The following PCCA variants were observed in gnomAD, a reference collection of about 807,000 sequenced individuals.
The protein encoded by PCCA is propionyl-CoA carboxylase subunit alpha.
In PCCA, 74 loss-of-function variants were observed where a neutral mutation model predicts 101.3. The observed-to-expected ratio is 0.73, with a 90% confidence interval of 0.61 to 0.89. The LOEUF (loss-of-function observed/expected upper bound fraction) is 0.89, where lower values mean the gene tolerates loss of function less well. Ranked by LOEUF, PCCA falls within the 40% of genes least tolerant of loss-of-function variation. The pLI is 0.00. For missense variants in PCCA, 891 were observed against 907.0 expected (o/e 0.98, Z 0.23); for synonymous variants, 294 against 313.6 (o/e 0.94, Z 0.66).
intron 4 of PCCA, among the ~76,000 whole-genome samples, chr13:100,129,746 G>C (rs2050310069): frequency 6.6e-6 from 1 of 152,174 alleles, no homozygotes; most frequent in African/African-American, 2.4e-5. Flanking sequence ...GACAATACTT[G>C]GTGGCCTCCT....
intron 18 of PCCA, among the ~76,000 whole-genome samples, chr13:100,360,944 C>A (rs141835528): frequency 7.2e-5 from 11 of 152,040 alleles, no homozygotes; most frequent in African/African-American, 2.7e-4. Flanking sequence ...TATGTCCGTA[C>A]AATGGAATAT....
intron 19 of PCCA, among the ~76,000 whole-genome samples, chr13:100,406,946 G>A (rs1452935709): frequency 6.6e-6 from 1 of 152,118 alleles, no homozygotes; most frequent in African/African-American, 2.4e-5. Flanking sequence ...CTGTATTTGA[G>A]AGGACCTGTT....
At chr13:100,230,965 G>A (rs2060434522) in intron 7 of PCCA, among the ~76,000 whole-genome samples, 1 of 152,082 alleles carries the variant, frequency 6.6e-6, no homozygotes, top group African/African-American at 2.4e-5. Flanking sequence ...CTCTCATGTG[G>A]CTGTGAGGCC....
At chr13:100,384,393 C>T (rs1355158643) in intron 19 of PCCA, among the ~76,000 whole-genome samples, 1 of 152,078 alleles carries the variant, frequency 6.6e-6, no homozygotes, top group Admixed American at 6.6e-5. Flanking sequence ...ATGAAAAATT[C>T]GATGAACTTA....
At chr13:100,306,028 G>A (rs760991715) in intron 14 of PCCA, among the ~76,000 whole-genome samples, 1 of 152,094 alleles carries the variant, frequency 6.6e-6, no homozygotes, top group Non-Finnish European at 1.5e-5. Context: ...TGAAACTATC[G>A]CTTGTCTTCT....
intron 20 of PCCA, among the ~76,000 whole-genome samples, chr13:100,442,720 G>A (rs1267884686): frequency 6.6e-6 from 1 of 152,158 alleles, no homozygotes; most frequent in Non-Finnish European, 1.5e-5. Flanking sequence ...CTAAGAAGTT[G>A]GATGAAGACT....
chr13:100,334,086 GAAACA>G (rs1290130897), intron 17 of PCCA, among the ~76,000 whole-genome samples: 2 of 152,066 alleles, frequency 1.3e-5, no homozygotes, highest in African/African-American at 2.4e-5. Context: ...TGACAGAAGA[GAAACA>G]AAACAAAACA....
intron 14 of PCCA, among the ~76,000 whole-genome samples, chr13:100,306,560 A>G (rs564420104): frequency 2.0e-5 from 3 of 152,280 alleles, no homozygotes; most frequent in Admixed American, 2.0e-4. Context: ...AACAGCAATC[A>G]GCCTCTTCAA....
At chr13:100,089,570 G>C (rs2046088567) in intron 1 of PCCA, among the ~76,000 whole-genome samples, 1 of 152,246 alleles carries the variant, frequency 6.6e-6, no homozygotes, top group Non-Finnish European at 1.5e-5. Flanking sequence ...TTTGTCTTAA[G>C]CTTTCCAGGG....
intron 14 of PCCA, chr13:100,305,750 G>T: frequency 2.6e-6 from 1 of 384,016 alleles, no homozygotes; most frequent in Non-Finnish European, 5.2e-6. Context: ...TTTTTTTCTA[G>T]TTTTTGTCAA....
intron 19 of PCCA, among the ~76,000 whole-genome samples, chr13:100,420,326 A>C (rs2078662282): frequency 6.6e-6 from 1 of 152,232 alleles, no homozygotes; most frequent in Non-Finnish European, 1.5e-5. Flanking sequence ...TAATCTCAGC[A>C]CTTTGGGAGA....
At chr13:100,447,139 G>A (rs755785433) in intron 20 of PCCA, among the ~76,000 whole-genome samples, 5 of 151,782 alleles carry the variant, frequency 3.3e-5, no homozygotes, top group Non-Finnish European at 5.9e-5. Context: ...TAATCCCAGC[G>A]CTTTGGGAGG....
intron 6 of PCCA, among the ~76,000 whole-genome samples, chr13:100,178,379 A>G (rs553396953): frequency 9.2e-5 from 14 of 152,358 alleles, no homozygotes; most frequent in African/African-American, 3.1e-4. Flanking sequence ...TAAACTATAC[A>G]AAACACTTTT....
At chr13:100,456,634 T>TC (rs1278308126) in intron 21 of PCCA, among the ~76,000 whole-genome samples, 1 of 144,606 alleles carries the variant, frequency 6.9e-6, no homozygotes, top group Non-Finnish European at 1.5e-5. Flanking sequence ...GGGGGGCCCT[T>TC]CCCTCTTAGG....
At chr13:100,159,541 CAAAT>C (rs1405811697) in intron 6 of PCCA, among the ~76,000 whole-genome samples, 1 of 152,142 alleles carries the variant, frequency 6.6e-6, no homozygotes, top group Non-Finnish European at 1.5e-5. Flanking sequence ...AGTTGATACA[CAAAT>C]AACTTCACTT....
chr13:100,264,180 TGTG>T (rs2062769516), intron 10 of PCCA, among the ~76,000 whole-genome samples: 2 of 108,558 alleles, frequency 1.8e-5, no homozygotes, highest in African/African-American at 3.4e-5. Context: ...ATCGTATATA[TGTG>T]ATATCTGTAT....
intron 2 of PCCA, among the ~76,000 whole-genome samples, chr13:100,107,232 T>G (rs549794242): frequency 1.4e-4 from 21 of 152,128 alleles, no homozygotes; most frequent in African/African-American, 5.1e-4. Flanking sequence ...GAAAACGTTA[T>G]TTTTTTTAAC....
chr13:100,118,144 A>C (rs1397782292), intron 4 of PCCA, among the ~76,000 whole-genome samples: 5 of 151,888 alleles, frequency 3.3e-5, no homozygotes, highest in African/African-American at 9.7e-5. Context: ...AAAAAAAGAA[A>C]ATAAGTTACA....
At chr13:100,282,405 A>G (rs1595099828) in intron 12 of PCCA, among the ~76,000 whole-genome samples, 2 of 152,210 alleles carry the variant, frequency 1.3e-5, no homozygotes, top group Admixed American at 1.3e-4. Flanking sequence ...GGGCTGGCCA[A>G]GGCCAGAGCC....
Sources: allele counts gnomAD v4.1 joint callset (sites outside exome capture counted in the v4.1 genomes callset), GRCh38; gene constraint gnomAD v4.1.1; transcripts MANE v1.5; gene names NCBI Gene and HGNC (gene_info 2026-07-23, HGNC 2026-07-21).